Variants in SLC9C2 observed in about 807,000 individuals in gnomAD.
SLC9C2 encodes solute carrier family 9 member C2 (putative).
In SLC9C2, 75 loss-of-function variants were observed where a neutral mutation model predicts 140.2. The ratio of observed to expected loss-of-function variants is 0.53; its 90% CI spans 0.44 to 0.65. The LOEUF is 0.65. Among genes scored for constraint, SLC9C2 ranks in the 30% least tolerant of loss-of-function variants. SLC9C2 has a pLI of 0.00. For synonymous variants in SLC9C2, 375 were observed against 420.9 expected, an observed-to-expected ratio of 0.89 and a Z score of 1.34; for missense variants, 1,074 against 1,331.8, an observed-to-expected ratio of 0.81 and a Z score of 3.01.
At chr1:173,557,187 A>T (rs941614009) in intron 10 of SLC9C2, among the ~76,000 whole-genome samples, 153 bp downstream of exon 10, 2 of 152,096 alleles carry the variant, frequency 1.3e-5, no homozygotes, top group Non-Finnish European at 2.9e-5. Flanking sequence ...TCTCAACATA[A>T]ATAACGTTCT....
At chr1:173,522,708 A>T (rs889513376) in intron 21 of SLC9C2, among the ~76,000 whole-genome samples, 8 of 152,200 alleles carry the variant, frequency 5.3e-5, no homozygotes, top group Non-Finnish European at 1.0e-4. Flanking sequence ...AGGGCACCTG[A>T]GAGTCATGAT....
At chr1:173,507,151 C>T in intron 24 of SLC9C2, 110 bp from the exon 25 acceptor site, 2 of 847,570 alleles carry the variant, frequency 2.4e-6, no homozygotes, top group South Asian at 3.4e-5. Context: ...TCAGAAGGTA[C>T]ACAGCCCCTG....
In SLC9C2 at chr1:173,507,054, T is replaced by C. The variant is rs1476795093; in HGVS notation, c.3040-13A>G. The C allele has an allele frequency of 3.3e-6, 5 of 1,537,536 alleles. No individual in the cohort carries two copies. The highest frequency in any genetic ancestry group is 4.4e-6 in the Non-Finnish European group (5 of 1,148,418). On this transcript the variant is annotated splice_polypyrimidine_tract_variant and intron_variant, in intron 24 of 27. Transcript: ENST00000367714. ...GAAACCTTAAGTCCTATAATAAAAT[T>C]GCATTTTAGAAAATAAGTCATACAA...
At chr1:173,507,738 A>G (rs1349545870) in intron 24 of SLC9C2, among the ~76,000 whole-genome samples, 1 of 152,140 alleles carries the variant, frequency 6.6e-6, no homozygotes, top group Admixed American at 6.5e-5. Context: ...CGTGAATATA[A>G]AGGCAGCCAT....
chr1:173,572,465 C>A (rs573041482), intron 9 of SLC9C2, among the ~76,000 whole-genome samples: 11 of 152,272 alleles, frequency 7.2e-5, no homozygotes, highest in African/African-American at 2.4e-4. Flanking sequence ...ACCCTGGCCA[C>A]CATCCTGAGT....
chr1:173,583,290 T>C (rs1665660950), intron 6 of SLC9C2, among the ~76,000 whole-genome samples: 1 of 152,244 alleles, frequency 6.6e-6, no homozygotes, highest in Admixed American at 6.5e-5. Context: ...GTTGTATTGT[T>C]ATTTTTATTG....
At chr1:173,516,233 G>A (rs889691869) in intron 23 of SLC9C2, among the ~76,000 whole-genome samples, 8 of 152,326 alleles carry the variant, frequency 5.3e-5, no homozygotes, top group Middle Eastern at 6.8e-3. Flanking sequence ...CTAGTGAAAT[G>A]TCAGGACACT....
At chr1:173,570,335 G>A (rs1387466971) in intron 9 of SLC9C2, among the ~76,000 whole-genome samples, 1 of 152,148 alleles carries the variant, frequency 6.6e-6, no homozygotes, top group Non-Finnish European at 1.5e-5. Context: ...GGTGTGTCTA[G>A]AAATGTTGTC....
intron 22 of SLC9C2, among the ~76,000 whole-genome samples, chr1:173,520,986 C>T (rs1660769557): frequency 6.6e-6 from 1 of 152,082 alleles, no homozygotes; most frequent in Admixed American, 6.5e-5. Context: ...TATTTTTGAT[C>T]CTCATTCTAT....
In SLC9C2 at chr1:173,576,771, A is replaced by C. The variant is rs1270859419; in HGVS notation, c.803-11T>G. Reference sequence around the variant, plus strand: ...TTCCTAAAAATTCCACTGGGGAGAAAAAAAAAACAAATGAATCAAATGCAA... The same window carrying C: ...TTCCTAAAAATTCCACTGGGGAGAACAAAAAAACAAATGAATCAAATGCAA... On this transcript the variant is annotated splice_polypyrimidine_tract_variant and intron_variant, in intron 7 of 27. Transcript: ENST00000367714. 2.0e-6 allele frequency: 3 copies of C among 1,528,820 alleles called. No individual in the cohort carries two copies. Among genetic ancestry groups the C allele is most frequent in the Admixed American group, 1.8e-5 (1 of 54,072 alleles). 94.7% of individuals were successfully genotyped at this position (1,528,820 alleles called of 1,614,324 possible).
intron 9 of SLC9C2, among the ~76,000 whole-genome samples, chr1:173,570,478 C>T (rs57086124): frequency 0.078 from 11,928 of 152,048 alleles, 695 homozygotes; most frequent in East Asian, 0.3. Flanking sequence ...GAAGAAGTCA[C>T]TTTCATTGTT....
intron 7 of SLC9C2, among the ~76,000 whole-genome samples, chr1:173,579,589 T>A (rs1004777498): frequency 3.9e-5 from 6 of 152,232 alleles, no homozygotes; most frequent in African/African-American, 1.4e-4. Flanking sequence ...AAGGACCTTT[T>A]ACTCCACAGC....
At chr1:173,557,675 A>G (rs1663806871) in intron 9 of SLC9C2, among the ~76,000 whole-genome samples, 167 bp from the exon 10 acceptor site, 1 of 152,230 alleles carries the variant, frequency 6.6e-6, no homozygotes, top group African/African-American at 2.4e-5. Context: ...AACCAAATCT[A>G]CTATTTAAAG....
chr1:173,544,390 A>G (rs1662681182), intron 13 of SLC9C2, among the ~76,000 whole-genome samples: 2 of 152,236 alleles, frequency 1.3e-5, no homozygotes, highest in Admixed American at 1.3e-4. Flanking sequence ...AGAATTAGGA[A>G]TGCTCTTACA....
At chr1:173,599,805 T>C (rs1316965402) in intron 3 of SLC9C2, among the ~76,000 whole-genome samples, 2 of 152,110 alleles carry the variant, frequency 1.3e-5, no homozygotes, top group Non-Finnish European at 2.9e-5. Flanking sequence ...GATTTTGCCA[T>C]GTTGGCCAGG....
intron 9 of SLC9C2, among the ~76,000 whole-genome samples, chr1:173,560,430 GATAGCCCTTGGCCAATGACTGCATT>G (rs1191235850): frequency 6.6e-6 from 1 of 152,188 alleles, no homozygotes; most frequent in African/African-American, 2.4e-5. Flanking sequence ...CCTCTCAAGG[GATAGCCCTTGGCCAATGACTGCATT>G]ATGCAGAGAT....
intron 9 of SLC9C2, among the ~76,000 whole-genome samples, chr1:173,568,457 A>G (rs1430395949): frequency 6.6e-6 from 1 of 152,146 alleles, no homozygotes; most frequent in African/African-American, 2.4e-5. Context: ...AAAAGACATG[A>G]TCTCAGTCTT....
chr1:173,514,842 G>A (rs1310600284), intron 23 of SLC9C2, among the ~76,000 whole-genome samples: 1 of 152,140 alleles, frequency 6.6e-6, no homozygotes, highest in Non-Finnish European at 1.5e-5. Flanking sequence ...TGCAAGGCAG[G>A]CCTGGTGGTG....
In SLC9C2 at chr1:173,533,738, G is replaced by A; in HGVS notation, c.2034C>T (p.Ile678=). The A allele has an allele frequency of 6.2e-7, 1 of 1,606,700 alleles. No homozygotes were observed. The highest frequency in any genetic ancestry group is 8.5e-7 in the Non-Finnish European group (1 of 1,175,882). ...AGATATCAATGATTCCAATAACCAG[G>A]ATAAAAAATTCCAAAGTATTCCAAC... is the stretch of plus-strand genomic sequence containing the variant. ...QQCWNTLEFF[I]LVIGIIDIFC... The change falls in exon 17 of 28, where the codon ATC becomes ATT. Residue 678 remains isoleucine (I), a synonymous_variant. Transcript: ENST00000367714.
Sources: allele counts gnomAD v4.1 joint callset (sites outside exome capture counted in the v4.1 genomes callset), GRCh38; gene constraint gnomAD v4.1.1; transcripts MANE v1.5; gene names NCBI Gene and HGNC (gene_info 2026-07-23, HGNC 2026-07-21).